ADAMTS7: variants seen among roughly 807,000 people sequenced by gnomAD.
ADAMTS7 encodes the protein A disintegrin and metalloproteinase with thrombospondin motifs 7.
A neutral mutation model predicts 172.6 loss-of-function variants in ADAMTS7; 89 were observed. The ratio of observed to expected loss-of-function variants is 0.52; its 90% CI spans 0.43 to 0.61. The LOEUF is 0.61. Among genes scored for constraint, ADAMTS7 ranks in the 20% least tolerant of loss-of-function variants. The pLI is 0.00. For missense variants in ADAMTS7, 1,973 were observed against 2,355.6 expected, an observed-to-expected ratio of 0.84 and a Z score of 3.36; for synonymous variants, 885 against 978.4, an observed-to-expected ratio of 0.90 and a Z score of 1.78.
intron 4 of ADAMTS7, 104 bp downstream of exon 4, chr15:78,796,485 TG>T: frequency 7.5e-7 from 1 of 1,330,860 alleles, no homozygotes; most frequent in Non-Finnish European, 1.0e-6. Flanking sequence ...GGCCTAGACC[TG>T]GGTCTGGGGT....
In ADAMTS7 at chr15:78,762,509, G is replaced by C. The variant is rs774824055; in HGVS notation, c.4797C>G (p.Thr1599=). 1 of 1,589,290 alleles carries C rather than the reference G, an allele frequency of 6.3e-7. No individual in the cohort carries two copies. Among genetic ancestry groups the C allele is most frequent in the Non-Finnish European group, 8.6e-7 (1 of 1,168,194 alleles). Residue 1599 remains threonine (T), a synonymous_variant, in exon 23 of 24, where the codon ACC becomes ACG. Coordinates refer to ENST00000388820, the MANE Select transcript of ADAMTS7 (RefSeq NM_014272.5). Reference sequence around the variant, plus strand: ...TGTCTTCCTCGGGCAGCCCTGTCTGGGTGTTGACACACTTGACCAGGCGCC... The same window carrying C: ...TGTCTTCCTCGGGCAGCCCTGTCTGCGTGTTGACACACTTGACCAGGCGCC... ...VQRRLVKCVN[T]QTGLPEEDSD... is the part of the protein sequence containing the mutation.
intron 8 of ADAMTS7, among the ~76,000 whole-genome samples, chr15:78,780,302 C>A (rs938725076): frequency 6.6e-6 from 1 of 152,092 alleles, no homozygotes; most frequent in African/African-American, 2.4e-5. Context: ...GTAGGTGACT[C>A]CAGTCAGAAG....
chr15:78,805,140 G>A (rs2055772035), intron 1 of ADAMTS7, among the ~76,000 whole-genome samples: 1 of 152,226 alleles, frequency 6.6e-6, no homozygotes, highest in African/African-American at 2.4e-5. Context: ...GATCTAGCCA[G>A]TTCAGAGGCT....
At position 78,791,152 on chromosome 15, in the gene ADAMTS7, C is replaced by T. The variant is rs1447849936; in HGVS notation, c.891G>A (p.Leu297=). Residue 297 remains leucine, a synonymous_variant, in exon 5 of 24, where the codon CTG becomes CTA. Coordinates refer to ENST00000388820, the MANE Select transcript of ADAMTS7 (RefSeq NM_014272.5). Reference sequence around the variant, plus strand: ...CATGACCACTCACCTCCTCATCTTCCAGCAGGACCAGGCGCACAATGGTGA... The same window carrying T: ...CATGACCACTCACCTCCTCATCTTCTAGCAGGACCAGGCGCACAATGGTGA... ...IHITIVRLVL[L]EDEEEDLKIT... 5.6e-6 allele frequency: 9 copies of T among 1,613,182 alleles called. No individual in the cohort carries two copies. Among genetic ancestry groups the T allele is most frequent in the Non-Finnish European group, 6.8e-6 (8 of 1,179,628 alleles).
rs1188774962 is a variant in ADAMTS7 at position 78,767,513 on chromosome 15, G to A, written c.2725C>T (p.Arg909Cys). Residue 909 changes from arginine (R) to cysteine (C), a missense_variant, in exon 18 of 24, where the codon CGC (arginine) becomes TGC (cysteine). By Grantham distance (180) the Arg-to-Cys change is radical (BLOSUM62 -3). Transcript: ENST00000388820. ...GLSRRAVLCI[R>C]SVGLDEQSAL... is the part of the protein sequence containing the mutation. ...CTCTGCTCATCCAGCCCCACGCTGC[G>A]GATGCAGAGCACGGCCCGGCGGGAG... The A allele has an allele frequency of 7.5e-6, 12 of 1,607,450 alleles. No homozygotes were observed. The highest frequency in any genetic ancestry group is 4.5e-5 in the East Asian group (2 of 44,768).
chr15:78,766,843 G>T lies in ADAMTS7; in HGVS notation c.3068C>A (p.Pro1023Gln). 1 of 1,610,180 alleles carries T rather than the reference G, an allele frequency of 6.2e-7. No individual in the cohort carries two copies. Among genetic ancestry groups the T allele is most frequent in the East Asian group, 2.2e-5 (1 of 44,868 alleles). ...TGAAGGGCGTGGGGCCAGGTGGTGC[G>T]GGATGAAGTCAGCCTCGTTGAAGAG... The part of the protein sequence containing the change: ...HELFNEADFI[P>Q]HHLAPRPSPA... The change falls in exon 19 of 24, where the codon CCG becomes CAG. Residue 1023 changes from proline to glutamine, a missense_variant. Coordinates refer to ENST00000388820, the MANE Select transcript of ADAMTS7 (RefSeq NM_014272.5).
chr15:78,808,350 C>T (rs1388984291), intron 1 of ADAMTS7, among the ~76,000 whole-genome samples: 1 of 152,130 alleles, frequency 6.6e-6, no homozygotes, highest in Non-Finnish European at 1.5e-5. Flanking sequence ...AATTCTCATG[C>T]CTCAGCCTTC....
chr15:78,802,860 G>C (rs984325142), intron 1 of ADAMTS7, among the ~76,000 whole-genome samples: 7 of 152,064 alleles, frequency 4.6e-5, no homozygotes, highest in African/African-American at 1.5e-4. Context: ...AGCCAGGCTT[G>C]GTGGTGCCTG....
At chr15:78,799,955 T>C (rs1331495125) in intron 2 of ADAMTS7, among the ~76,000 whole-genome samples, 2 of 151,816 alleles carry the variant, frequency 1.3e-5, no homozygotes, top group East Asian at 3.9e-4. Flanking sequence ...GCCTCCCAAA[T>C]AGCTGGGACT....
At chr15:78,788,943 C>T (rs2055542565) in intron 7 of ADAMTS7, among the ~76,000 whole-genome samples, 1 of 152,238 alleles carries the variant, frequency 6.6e-6, no homozygotes, top group Admixed American at 6.5e-5. Flanking sequence ...CTCAGGAAGG[C>T]TCAGAGAGTC....
chr15:78,796,890 C>T, intron 3 of ADAMTS7, 104 bp from the exon 4 acceptor site: 1 of 1,105,454 alleles, frequency 9.0e-7, no homozygotes, highest in South Asian at 1.6e-5. Flanking sequence ...CTGGGAACCA[C>T]ACAGGGATCA....
At chr15:78,778,920 C>G (rs1314239598) in intron 8 of ADAMTS7, among the ~76,000 whole-genome samples, 3 of 152,000 alleles carry the variant, frequency 2.0e-5, no homozygotes, top group Admixed American at 2.0e-4. Context: ...GAAACAGGGC[C>G]AAGACCACTG....
chr15:78,771,303 G>T lies in ADAMTS7; in HGVS notation c.2377C>A (p.Leu793Met). 1 of 1,612,368 alleles carries T rather than the reference G, an allele frequency of 6.2e-7. No individual in the cohort carries two copies. Among genetic ancestry groups the T allele is most frequent in the Non-Finnish European group, 8.5e-7 (1 of 1,179,038 alleles). The change falls in exon 16 of 24, where the codon CTG becomes ATG. Residue 793 changes from leucine (L) to methionine (M), a missense_variant and splice_region_variant. Transcript: ENST00000388820. The surrounding 1 kb of genome is among the most constrained non-coding windows in gnomAD (Gnocchi z 4.9). ...CCAGGGTTGCTCTCCTGGAACAGCAGCTGGGTGGGCAGGCGGGGGCCCATG... is the reference window on the plus strand; with the variant it reads ...CCAGGGTTGCTCTCCTGGAACAGCATCTGGGTGGGCAGGCGGGGGCCCATG... Reference protein sequence around the residue: ...GPTKEPVWIQLLFQESNPGVH... With the variant: ...GPTKEPVWIQMLFQESNPGVH...
intron 4 of ADAMTS7, among the ~76,000 whole-genome samples, chr15:78,791,611 C>T (rs2055582009): frequency 6.6e-6 from 1 of 152,236 alleles, no homozygotes; most frequent in Non-Finnish European, 1.5e-5. Flanking sequence ...TCGCAGGGCC[C>T]TAGTCCTACA....
intron 20 of ADAMTS7, 58 bp downstream of exon 20, chr15:78,764,497 G>A: frequency 6.6e-7 from 1 of 1,506,774 alleles, no homozygotes; most frequent in Non-Finnish European, 8.8e-7. Flanking sequence ...AGGCCGTGGG[G>A]AACCAGGGCT....
In ADAMTS7 at chr15:78,765,721, C is replaced by T. The variant is rs758668696; in HGVS notation, c.4190G>A (p.Ser1397Asn). ...RVPETQPLAPSLAEAGPPADP... is the reference protein window; with the variant it reads ...RVPETQPLAPNLAEAGPPADP... ...CGCGGGGGGCCCCGCTTCAGCCAGGCTGGGAGCCAGCGGCTGGGTCTCAGG... is the reference window on the plus strand; with the variant it reads ...CGCGGGGGGCCCCGCTTCAGCCAGGTTGGGAGCCAGCGGCTGGGTCTCAGG... The change falls in exon 19 of 24, where the codon AGC (serine) becomes AAC (asparagine). Residue 1397 changes from serine to asparagine, a missense_variant. Ser to Asn is a conservative substitution (Grantham distance 46). Coordinates refer to ENST00000388820, the MANE Select transcript of ADAMTS7 (RefSeq NM_014272.5). The T allele has an allele frequency of 6.2e-7, 1 of 1,610,724 alleles. No individual in the cohort carries two copies. Among genetic ancestry groups the T allele is most frequent in the South Asian group, 1.1e-5 (1 of 90,956 alleles).
At chr15:78,770,287 C>A (rs1446629393) in intron 16 of ADAMTS7, among the ~76,000 whole-genome samples, 1 of 151,622 alleles carries the variant, frequency 6.6e-6, no homozygotes, top group Non-Finnish European at 1.5e-5. Context: ...TCCAGTTTCA[C>A]TTTGTCATCA....
Position 78,811,424 on chromosome 15 carries a change from A to G in ADAMTS7, c.-204T>C. On this transcript the variant is annotated 5_prime_UTR_variant, in exon 1 of 24. Transcript: ENST00000388820. ...CGCCCCCTTGGCCGCTGCAGAGGCAAAGAAAAGACAAGAGAGCTAGAAGGA... is the reference window on the plus strand; with the variant it reads ...CGCCCCCTTGGCCGCTGCAGAGGCAGAGAAAAGACAAGAGAGCTAGAAGGA... 1 of 403,830 alleles carries G rather than the reference A, an allele frequency of 2.5e-6. No individual in the cohort carries two copies. The highest frequency in any genetic ancestry group is 3.9e-5 in the East Asian group (1 of 25,482). 25.0% of individuals were successfully genotyped at this position (403,830 alleles called of 1,614,324 possible). A position where few individuals can be genotyped will look rare whatever the true frequency, so the allele number is the denominator to read the frequency against.
rs141850381 is a variant in ADAMTS7 at position 78,760,041 on chromosome 15, C to T, written c.4904-463G>A. On this transcript the variant is annotated intron_variant, in intron 23 of 23. Transcript: ENST00000388820. ...CAGTGCATCTGTCCTGCCAGGCCTC[C>T]GTGACCACCTCCAGCCACAGGGGCT... Among the ~76,000 whole-genome samples, 996 of 151,192 alleles carry T rather than the reference C, an allele frequency of 6.6e-3. 9 individuals carry two copies. Among genetic ancestry groups the T allele is most frequent in the Admixed American group, 0.018 (263 of 14,986 alleles).
Sources: gnomAD v4.1 joint callset for allele counts (sites outside exome capture counted in the v4.1 genomes callset) on GRCh38, gnomAD v4.1.1 for gene constraint, Gnocchi (gnomAD v3.1) non-coding constraint, MANE v1.5 for transcripts, NCBI Gene and HGNC (gene_info 2026-07-23, HGNC 2026-07-21) for gene names.